Variants in RIPOR2 observed in about 807,000 individuals in gnomAD.
RIPOR2 encodes the protein rho family-interacting cell polarization regulator 2.
Under a neutral mutation model 114.5 loss-of-function variants are expected in RIPOR2, and 39 were observed. The observed-to-expected ratio is 0.34, with a 90% CI of 0.26 to 0.44. RIPOR2 has a LOEUF of 0.44. Among genes scored for constraint, RIPOR2 ranks in the 20% least tolerant of loss-of-function variants. The probability of loss-of-function intolerance (pLI) is 1.00; values close to 1 mark genes in which losing one functional copy is unlikely to be tolerated. For synonymous variants in RIPOR2, 445 were observed against 484.4 expected (o/e 0.92, Z 1.07); for missense variants, 1,007 against 1,255.1 (o/e 0.80, Z 2.99).
chr6:24,911,952 A>G (rs941539607), intron 1 of RIPOR2, among the ~76,000 whole-genome samples: 7 of 152,228 alleles, frequency 4.6e-5, no homozygotes, highest in African/African-American at 1.7e-4. Flanking sequence ...AAGGATCAGT[A>G]ATAATCAGTG....
At chr6:24,817,931 C>CATCTCCCT (rs1307128064) in intron 20 of RIPOR2, among the ~76,000 whole-genome samples, 1 of 150,260 alleles carries the variant, frequency 6.7e-6, no homozygotes, top group Non-Finnish European at 1.5e-5. Context: ...CCATACATCT[C>CATCTCCCT]ATCTCCCTTT....
At chr6:24,995,271 G>A (rs551481506) in intron 1 of RIPOR2, among the ~76,000 whole-genome samples, 17 of 152,336 alleles carry the variant, frequency 1.1e-4, no homozygotes, top group African/African-American at 4.1e-4. Context: ...TGTGGCTGCA[G>A]AGGAGGGTGA....
At chr6:24,855,166 T>C (rs1763334846) in intron 8 of RIPOR2, among the ~76,000 whole-genome samples, 1 of 151,968 alleles carries the variant, frequency 6.6e-6, no homozygotes, top group South Asian at 2.1e-4. Context: ...TAGGGTAGAA[T>C]TAAGGAGAAA....
chr6:25,038,631 T>C, intron 1 of RIPOR2, among the ~76,000 whole-genome samples: 1 of 152,330 alleles, frequency 6.6e-6, no homozygotes, highest in African/African-American at 2.4e-5. Flanking sequence ...AGGAACTAAA[T>C]TCTGCCCACA....
At chr6:24,869,191 C>T in intron 5 of RIPOR2, 44 bp from the exon 6 acceptor site, 1 of 973,906 alleles carries the variant, frequency 1.0e-6, no homozygotes, top group Non-Finnish European at 1.6e-6. Flanking sequence ...ATTTATAGTT[C>T]AATTGACTTA....
At chr6:25,041,488 TC>T (rs1351501328) in intron 1 of RIPOR2, among the ~76,000 whole-genome samples, 2 of 152,222 alleles carry the variant, frequency 1.3e-5, no homozygotes, top group African/African-American at 4.8e-5. Context: ...TCCATTTTTT[TC>T]CCCACTGTAA....
Position 24,843,212 on chromosome 6 carries a change from A to G in RIPOR2, c.1507T>C (p.Ser503Pro). The stretch of plus-strand genomic sequence containing the variant: ...AACAGGTGCTCAGCCCCAGCACCTG[A>G]GGACTGTCGGCGGCAAGCCTCAGAT... The part of the protein sequence containing the change: ...APSEACRRQS[S>P]GAGAEHLFLE... Residue 503 changes from serine to proline, a missense_variant, in exon 13 of 22, where the codon TCA becomes CCA. Transcript: ENST00000643898. 1 of 1,614,016 alleles carries G rather than the reference A, an allele frequency of 6.2e-7. No individual in the cohort carries two copies. Among genetic ancestry groups the G allele is most frequent in the Non-Finnish European group, 8.5e-7 (1 of 1,179,882 alleles).
At chr6:25,041,067 T>C (rs988660229) in intron 1 of RIPOR2, among the ~76,000 whole-genome samples, 1 of 152,228 alleles carries the variant, frequency 6.6e-6, no homozygotes, top group African/African-American at 2.4e-5. Flanking sequence ...AGTTGTCATT[T>C]ATCATCATGC....
In RIPOR2 at chr6:25,022,452, G is replaced by A. The variant is rs371340188; in HGVS notation, c.76+19399C>T. 5.6e-5 allele frequency among the ~76,000 whole-genome samples: 8 copies of A among 143,214 alleles called. No individual in the cohort carries two copies. The South Asian group carries it at 7.1e-4, about 13-fold the overall frequency. The allele number at this position is 143,214 out of a possible 152,430, so 94.0% of individuals were successfully genotyped here. On this transcript the variant is annotated intron_variant, in intron 1 of 13. Transcript: ENST00000510784. ...ATCTCATTGTATGGATATACCTACA[G>A]TTTGCTTAATCATTAATTCATAAGT...
chr6:24,860,236 G>T (rs913226668), intron 8 of RIPOR2, among the ~76,000 whole-genome samples: 2 of 152,082 alleles, frequency 1.3e-5, no homozygotes, highest in South Asian at 2.1e-4. Flanking sequence ...GCTAAAGGAA[G>T]AATTTAAAGA....
intron 1 of RIPOR2, among the ~76,000 whole-genome samples, chr6:25,040,920 A>G (rs978648273): frequency 3.9e-5 from 6 of 152,104 alleles, no homozygotes; most frequent in African/African-American, 1.4e-4. Flanking sequence ...AAAATCCACC[A>G]ACCTCTACCC....
chr6:24,882,658 C>A (rs781145528), intron 1 of RIPOR2, among the ~76,000 whole-genome samples: 7 of 152,084 alleles, frequency 4.6e-5, no homozygotes, highest in Non-Finnish European at 8.8e-5. Flanking sequence ...CAAAGACAAC[C>A]ACCGGGGGAA....
At chr6:25,026,737 A>G (rs1423192630) in intron 1 of RIPOR2, among the ~76,000 whole-genome samples, 1 of 152,256 alleles carries the variant, frequency 6.6e-6, no homozygotes, top group Non-Finnish European at 1.5e-5. Flanking sequence ...TCTAAAATTC[A>G]AGACCATGAC....
chr6:24,972,013 AGT>A (rs916181477), intron 1 of RIPOR2, among the ~76,000 whole-genome samples: 45 of 152,314 alleles, frequency 3.0e-4, no homozygotes, highest in African/African-American at 1.1e-3. Flanking sequence ...GGGGCAAAAA[AGT>A]GAGATTTCCA....
At chr6:24,841,959 G>A (rs1321135589) in intron 13 of RIPOR2, among the ~76,000 whole-genome samples, 1 of 152,126 alleles carries the variant, frequency 6.6e-6, no homozygotes, top group Non-Finnish European at 1.5e-5. Flanking sequence ...CTTTCTGTGG[G>A]TTGGTTCTCG....
At position 24,842,962 on chromosome 6, in the gene RIPOR2, G is replaced by C. The variant is rs189463989; in HGVS notation, c.1757C>G (p.Ala586Gly). Residue 586 changes from alanine to glycine, a missense_variant, in exon 13 of 22, where the codon GCT (alanine) becomes GGT (glycine). Transcript: ENST00000643898. ...RSFLDGSLED[A>G]FNGLLLALEP... ...TAATGCAAGTAAAAGCCCATTAAAAGCATCCTCTAAGCTTCCATCTAGAAA... is the reference window on the plus strand; with the variant it reads ...TAATGCAAGTAAAAGCCCATTAAAACCATCCTCTAAGCTTCCATCTAGAAA... 6.5e-7 allele frequency: 1 copy of C among 1,533,716 alleles called. No individual in the cohort carries two copies. The highest frequency in any genetic ancestry group is 8.8e-7 in the Non-Finnish European group (1 of 1,142,042).
At chr6:25,033,408 T>C (rs928601897) in intron 1 of RIPOR2, among the ~76,000 whole-genome samples, 1 of 152,178 alleles carries the variant, frequency 6.6e-6, no homozygotes, top group Non-Finnish European at 1.5e-5. Flanking sequence ...ACTTCTTTAT[T>C]TTCTGGCACA....
intron 13 of RIPOR2, chr6:24,840,453 C>T (rs1455977470): frequency 2.3e-6 from 3 of 1,312,678 alleles, no homozygotes; most frequent in East Asian, 6.9e-5. Flanking sequence ...ACAAGCAAAA[C>T]AATGCCAGTT....
In RIPOR2 at chr6:24,809,789, T is replaced by C. The variant is rs1326549961; in HGVS notation, c.2971A>G (p.Met991Val). 6.5e-7 allele frequency: 1 copy of C among 1,549,738 alleles called. No homozygotes were observed. Residue 991 changes from methionine to valine, a missense_variant, in exon 21 of 22, where the codon ATG becomes GTG. Physicochemically the swap from Met to Val is conservative, Grantham distance 21. Transcript: ENST00000643898. The part of the protein sequence containing the change: ...KILEATESIK[M>V]LVTLCQSDTE... ...TCAGATTGACACAATGTCACCAGCA[T>C]TTTAATGCTTTCAGTAGCCTATGGG...
Sources: allele counts gnomAD v4.1 joint callset (sites outside exome capture counted in the v4.1 genomes callset), GRCh38; gene constraint gnomAD v4.1.1; transcripts MANE v1.5; gene names NCBI Gene and HGNC (gene_info 2026-07-23, HGNC 2026-07-21).